The following EXD2 variants were observed in gnomAD, a reference collection of about 807,000 sequenced individuals.
The protein encoded by EXD2 is exonuclease 3'-5' domain-containing protein 2.
A neutral mutation model predicts 62.5 loss-of-function variants in EXD2; 40 were observed. That is an observed-to-expected ratio of 0.64 (90% CI 0.50 to 0.83). The LOEUF (loss-of-function observed/expected upper bound fraction) is 0.83, where lower values mean the gene tolerates loss of function less well. Among genes scored for constraint, EXD2 ranks in the 40% least tolerant of loss-of-function variants. The pLI is 0.00. For missense variants in EXD2, 671 were observed against 761.8 expected, an observed-to-expected ratio of 0.88 and a Z score of 1.40; for synonymous variants, 239 against 291.9, an observed-to-expected ratio of 0.82 and a Z score of 1.85.
intron 4 of EXD2, among the ~76,000 whole-genome samples, chr14:69,229,736 T>G (rs2140006001): frequency 6.6e-6 from 1 of 152,260 alleles, no homozygotes; most frequent in South Asian, 2.1e-4. Context: ...CGTAATTACC[T>G]CCTCATGTTT....
intron 6 of EXD2, 150 bp from the exon 7 acceptor site, chr14:69,235,896 G>C (rs917675882): frequency 2.8e-6 from 2 of 721,902 alleles, no homozygotes; most frequent in East Asian, 5.1e-5. Flanking sequence ...GATTAAACAT[G>C]GTTTCTCACT....
intron 1 of EXD2, among the ~76,000 whole-genome samples, chr14:69,193,060 C>CTT (rs1555385968): frequency 0.012 from 1,717 of 138,122 alleles, 35 homozygotes; most frequent in African/African-American, 0.042. Flanking sequence ...TTCTCTCTCT[C>CTT]TTTTTTTTTT....
At chr14:69,210,858 T>G (rs1426672287) in intron 3 of EXD2, among the ~76,000 whole-genome samples, 13 of 152,366 alleles carry the variant, frequency 8.5e-5, no homozygotes, top group Admixed American at 7.8e-4. Flanking sequence ...TTATTAAGTA[T>G]GCAATAACAT....
At chr14:69,220,435 T>C (rs923339186) in intron 3 of EXD2, among the ~76,000 whole-genome samples, 2 of 149,188 alleles carry the variant, frequency 1.3e-5, no homozygotes, top group South Asian at 2.1e-4. Flanking sequence ...CATGCCCGGC[T>C]AATTTTTTGT....
intron 3 of EXD2, among the ~76,000 whole-genome samples, chr14:69,227,379 C>A (rs933903298): frequency 6.6e-6 from 1 of 152,184 alleles, no homozygotes; most frequent in Admixed American, 6.5e-5. Flanking sequence ...ACCTATATTC[C>A]TCTCCTGACA....
intron 3 of EXD2, chr14:69,214,210 T>C (rs951015670): frequency 6.6e-6 from 1 of 152,164 alleles, no homozygotes; most frequent in African/African-American, 2.4e-5. Flanking sequence ...CTTCTTAAGA[T>C]CTTCTCTTTG....
intron 3 of EXD2, among the ~76,000 whole-genome samples, chr14:69,225,848 A>G (rs114521646): frequency 0.012 from 1,885 of 152,320 alleles, 46 homozygotes; most frequent in African/African-American, 0.043. Flanking sequence ...TATATTCAAT[A>G]TAAGTTATGT....
At chr14:69,238,948 GTTTGAAT>G (rs1388013648) in intron 9 of EXD2, among the ~76,000 whole-genome samples, 3 of 152,104 alleles carry the variant, frequency 2.0e-5, no homozygotes, top group African/African-American at 7.2e-5. Flanking sequence ...TTGATCTGAG[GTTTGAAT>G]CCACAGATGC....
intron 2 of EXD2, among the ~76,000 whole-genome samples, chr14:69,207,870 G>A (rs1165932550): frequency 6.6e-6 from 1 of 151,254 alleles, no homozygotes; most frequent in Non-Finnish European, 1.5e-5. Flanking sequence ...TTTCTCCCTG[G>A]CCCTGAGACC....
At chr14:69,239,405 A>G (rs929996895) in intron 9 of EXD2, among the ~76,000 whole-genome samples, 11 of 152,362 alleles carry the variant, frequency 7.2e-5, no homozygotes, top group Admixed American at 4.6e-4. Context: ...AGTAACTCCA[A>G]TTATAAGCAA....
chr14:69,215,999 G>A (rs573321892), intron 3 of EXD2, among the ~76,000 whole-genome samples: 1 of 152,142 alleles, frequency 6.6e-6, no homozygotes, highest in South Asian at 2.1e-4. Flanking sequence ...TAGTACAGTT[G>A]ATCAAGTCTT....
At chr14:69,199,506 T>G (rs532855382) in intron 1 of EXD2, among the ~76,000 whole-genome samples, 16 of 152,224 alleles carry the variant, frequency 1.1e-4, no homozygotes, top group Non-Finnish European at 2.1e-4. Context: ...TGTTTTAACT[T>G]TTTGACTTGT....
At chr14:69,240,101 C>T (rs1163231073) in intron 9 of EXD2, among the ~76,000 whole-genome samples, 1 of 152,186 alleles carries the variant, frequency 6.6e-6, no homozygotes, top group Non-Finnish European at 1.5e-5. Flanking sequence ...GACGCCAACA[C>T]TGCTGGGGTG....
chr14:69,199,401 T>A (rs540711038), intron 1 of EXD2, among the ~76,000 whole-genome samples: 2 of 152,368 alleles, frequency 1.3e-5, no homozygotes, highest in Admixed American at 6.5e-5. Flanking sequence ...TAAACACGTG[T>A]GTATTTAGGC....
At position 69,241,422 on chromosome 14, in the gene EXD2, C is replaced by T. The variant is rs2043980282; in HGVS notation, c.*322C>T. On this transcript the variant is annotated 3_prime_UTR_variant, in exon 10 of 10. Transcript: ENST00000685843. ...AAGAATTCTCCCAGAAGTGACTTGT[C>T]AAGACTTAAAAAAAATGTTTTTAAT... 1 of 292,498 alleles carries T rather than the reference C, an allele frequency of 3.4e-6. No homozygotes were observed. The highest frequency in any genetic ancestry group is 4.5e-5 in the Admixed American group (1 of 21,990). The allele number at this position is 292,498 out of a possible 1,614,324, so 18.1% of individuals were successfully genotyped here.
At chr14:69,239,569 T>C (rs2043914463) in intron 9 of EXD2, among the ~76,000 whole-genome samples, 1 of 152,206 alleles carries the variant, frequency 6.6e-6, no homozygotes, top group Non-Finnish European at 1.5e-5. Context: ...ATTGCCTTAA[T>C]TGTTTCTCAT....
intron 3 of EXD2, among the ~76,000 whole-genome samples, chr14:69,216,227 C>T (rs1345339479): frequency 6.6e-6 from 1 of 152,176 alleles, no homozygotes; most frequent in African/African-American, 2.4e-5. Context: ...CCTGATTGCT[C>T]TGCAATGCCA....
At chr14:69,222,147 C>T (rs1373889314) in intron 3 of EXD2, among the ~76,000 whole-genome samples, 1 of 151,348 alleles carries the variant, frequency 6.6e-6, no homozygotes, top group Non-Finnish European at 1.5e-5. Flanking sequence ...AAATTTTACC[C>T]CATTTGGTAG....
chr14:69,212,637 C>T (rs2042845997), intron 3 of EXD2, among the ~76,000 whole-genome samples: 2 of 150,736 alleles, frequency 1.3e-5, no homozygotes, highest in South Asian at 4.2e-4. Flanking sequence ...CTGTCTCAGC[C>T]TCCCATGTAG....
Sources: gnomAD v4.1 joint callset for allele counts (sites outside exome capture counted in the v4.1 genomes callset) on GRCh38, gnomAD v4.1.1 for gene constraint, MANE v1.5 for transcripts, NCBI Gene and HGNC (gene_info 2026-07-23, HGNC 2026-07-21) for gene names.